DLD: variants seen among roughly 807,000 people sequenced by gnomAD.
DLD encodes dihydrolipoamide dehydrogenase, also known as dihydrolipoyl dehydrogenase, mitochondrial.
Under a neutral mutation model 62.2 loss-of-function variants are expected in DLD, and 36 were observed. The observed-to-expected ratio is 0.58, with a 90% CI of 0.44 to 0.76. DLD has a LOEUF of 0.76. Ranked by LOEUF, DLD falls within the 30% of genes least tolerant of loss-of-function variation. The pLI, the probability that DLD is intolerant of heterozygous loss-of-function variation, is 0.00. For missense variants in DLD, 541 were observed against 608.6 expected, an observed-to-expected ratio of 0.89 and a Z score of 1.17; for synonymous variants, 204 against 199.6, an observed-to-expected ratio of 1.02 and a Z score of -0.19.
chr7:107,896,842 GT>G (rs1254805002), intron 2 of DLD, among the ~76,000 whole-genome samples: 17 of 144,806 alleles, frequency 1.2e-4, no homozygotes, highest in South Asian at 2.2e-4. Flanking sequence ...GTTTTTGTTT[GT>G]TTTTTTTTTT....
intron 5 of DLD, chr7:107,903,896 T>TG (rs1330337051): frequency 9.1e-6 from 2 of 220,774 alleles, no homozygotes; most frequent in African/African-American, 2.3e-5. Flanking sequence ...CTGAGTACTA[T>TG]GGGGAGATAG....
intron 2 of DLD, among the ~76,000 whole-genome samples, chr7:107,901,180 G>A (rs1423554572): frequency 6.6e-6 from 1 of 152,064 alleles, no homozygotes; most frequent in East Asian, 1.9e-4. Context: ...TTAAGGACCT[G>A]AAAAAGGTAA....
At chr7:107,893,059 C>T in intron 1 of DLD, 141 bp from the exon 2 acceptor site, 1 of 573,396 alleles carries the variant, frequency 1.7e-6, no homozygotes, top group Non-Finnish European at 3.1e-6. Context: ...TGATCTGTAG[C>T]TTCTGTGTGG....
Position 107,893,185 on chromosome 7 carries a change from ATTTTCT to A in DLD, c.40-8_40-3del, listed in dbSNP as rs1206033620. On this transcript the variant is annotated splice_polypyrimidine_tract_variant and intron_variant, in intron 1 of 13. Transcript: ENST00000205402. ...AATTCATATCTTACATAATAGGGAC[ATTTTCT>A]TTTTCTAGAGAGGCCATTTCAATCG... 1 of 1,609,440 alleles carries A rather than the reference ATTTTCT, an allele frequency of 6.2e-7. No homozygotes were observed. The highest frequency in any genetic ancestry group is 8.5e-7 in the Non-Finnish European group (1 of 1,176,268).
At chr7:107,904,257 C>T (rs1174277410) in intron 5 of DLD, among the ~76,000 whole-genome samples, 3 of 152,076 alleles carry the variant, frequency 2.0e-5, no homozygotes, top group Admixed American at 6.6e-5. Context: ...AATGGAATGA[C>T]GTAAAGAAAG....
rs531377971 is a variant in DLD at position 107,918,628 on chromosome 7, A to G, written c.1375-382A>G. Among the ~76,000 whole-genome samples, 3 of 152,268 alleles carry G rather than the reference A, an allele frequency of 2.0e-5. No homozygotes were observed. In the South Asian group the frequency reaches 6.2e-4, roughly 32 times the overall value. ...CCTAAAGTATGTATCTTTCTTGTAG[A>G]TATCTCTTGTATCTGATGTAACAAT... is the stretch of plus-strand genomic sequence containing the variant. On this transcript the variant is annotated intron_variant, in intron 12 of 13. Coordinates refer to ENST00000205402, the MANE Select transcript of DLD (RefSeq NM_000108.5).
rs1433041129 is a variant in DLD, at chr7:107,916,836, T to A, written c.918T>A (p.Cys306Ter). Residue 306 changes from cysteine (C) to a stop codon, truncating the protein, a stop_gained, in exon 10 of 14, where the codon TGT becomes TGA. Coordinates refer to ENST00000205402, the MANE Select transcript of DLD (RefSeq NM_000108.5). LOFTEE classifies it high-confidence loss of function. The stretch of plus-strand genomic sequence containing the variant: ...GTGGTAAAGCTGAAGTTATCACTTG[T>A]GATGTACTCTTGGTTTGCATTGGCC... ...ASGGKAEVIT[C>*]DVLLVCIGRR... 6.2e-7 allele frequency: 1 copy of A among 1,613,246 alleles called. No homozygotes were observed. Among genetic ancestry groups the A allele is most frequent in the African/African-American group, 1.3e-5 (1 of 74,592 alleles).
intron 8 of DLD, among the ~76,000 whole-genome samples, chr7:107,912,314 T>C (rs1477733259): frequency 2.6e-5 from 4 of 152,094 alleles, no homozygotes; most frequent in African/African-American, 9.7e-5. Flanking sequence ...CTCTTCAATA[T>C]ATTGATTTCC....
rs563411687 is a variant in DLD at position 107,893,466 on chromosome 7, C to T, written c.118+188C>T. ...AGGCGGTGAACAAGGTAAAAAAACCCTGCTCTTATGAAACTTGTAATTTGG... is the reference window on the plus strand; with the variant it reads ...AGGCGGTGAACAAGGTAAAAAAACCTTGCTCTTATGAAACTTGTAATTTGG... On this transcript the variant is annotated intron_variant, in intron 2 of 13. Transcript: ENST00000205402. 6.7e-6 allele frequency: 3 copies of T among 451,042 alleles called. No homozygotes were observed. The South Asian group carries it at 1.4e-4, about 21-fold the overall frequency. 27.9% of individuals were successfully genotyped at this position (451,042 alleles called of 1,614,324 possible).
At chr7:107,899,320 T>C (rs2031816428) in intron 2 of DLD, among the ~76,000 whole-genome samples, 1 of 150,498 alleles carries the variant, frequency 6.6e-6, no homozygotes, top group South Asian at 2.1e-4. Context: ...ACATCTAGTA[T>C]GTACAGTGAG....
chr7:107,905,918 C>G (rs981385273), intron 7 of DLD, among the ~76,000 whole-genome samples: 2 of 152,102 alleles, frequency 1.3e-5, no homozygotes, highest in Non-Finnish European at 2.9e-5. Context: ...CAGGACCCCC[C>G]TTGGATACCA....
At chr7:107,918,948 C>G in intron 12 of DLD, 62 bp from the exon 13 acceptor site, 1 of 1,343,260 alleles carries the variant, frequency 7.4e-7, no homozygotes, top group African/African-American at 1.4e-5. Flanking sequence ...TCAACAATTG[C>G]TATCCTATTA....
intron 2 of DLD, among the ~76,000 whole-genome samples, chr7:107,895,731 T>C (rs557324509): frequency 6.6e-6 from 1 of 152,288 alleles, no homozygotes; most frequent in South Asian, 2.1e-4. Flanking sequence ...TATATATGGA[T>C]TGGGAATGGT....
At chr7:107,893,337 C>A in intron 2 of DLD, 59 bp downstream of exon 2, 1 of 1,295,916 alleles carries the variant, frequency 7.7e-7, no homozygotes, top group Non-Finnish European at 1.1e-6. Flanking sequence ...CTTTCTATTT[C>A]AATGTAAAAG....
chr7:107,897,574 CTTTTTTTTT>C (rs35546358), intron 2 of DLD, among the ~76,000 whole-genome samples: 1 of 111,352 alleles, frequency 9.0e-6, no homozygotes, highest in Non-Finnish European at 1.8e-5. Flanking sequence ...TGTAGACTGA[CTTTTTTTTT>C]TTTTTTTTTT....
At position 107,906,310 on chromosome 7, in the gene DLD, TA is replaced by T. The variant is rs1040811473; in HGVS notation, c.633del (p.Val212PhefsTer12). The stretch of plus-strand genomic sequence containing the variant: ...GTGTCATCTACAGGTGCTTTATCTT[TA>T]AAAAAAGTTCCAGAAAAGATGGTTG... ...TIVSSTGALS[L>X]KKVPEKMVVI... On this transcript the variant is annotated frameshift_variant, in exon 8 of 14. Transcript: ENST00000205402. LOFTEE classifies it high-confidence loss of function. 1.9e-6 allele frequency: 3 copies of T among 1,609,856 alleles called. No homozygotes were observed. The highest frequency in any genetic ancestry group is 1.7e-6 in the Non-Finnish European group (2 of 1,176,322).
intron 2 of DLD, among the ~76,000 whole-genome samples, chr7:107,893,964 AATG>A (rs758729754): frequency 6.6e-6 from 1 of 152,212 alleles, no homozygotes; most frequent in African/African-American, 2.4e-5. Context: ...CACTGTTTAG[AATG>A]ATGAGATGAC....
intron 2 of DLD, among the ~76,000 whole-genome samples, chr7:107,896,054 C>T (rs1280784753): frequency 1.3e-5 from 2 of 152,150 alleles, no homozygotes; most frequent in East Asian, 3.9e-4. Flanking sequence ...GTTACTGAAG[C>T]TTAAACTGCA....
In DLD at chr7:107,916,813, G is replaced by A. The variant is rs1352197531; in HGVS notation, c.895G>A (p.Gly299Ser). The A allele has an allele frequency of 6.2e-7, 1 of 1,613,054 alleles. No homozygotes were observed. Among genetic ancestry groups the A allele is most frequent in the South Asian group, 1.1e-5 (1 of 91,026 alleles). ...IDVSIEAASG[G>S]KAEVITCDVL... Reference sequence around the variant, plus strand: ...ATCTAGTATTGAAGCTGCTTCTGGTGGTAAAGCTGAAGTTATCACTTGTGA... The same window carrying A: ...ATCTAGTATTGAAGCTGCTTCTGGTAGTAAAGCTGAAGTTATCACTTGTGA... The change falls in exon 10 of 14, where the codon GGT (glycine) becomes AGT (serine). Residue 299 changes from glycine to serine, a missense_variant. By Grantham distance (56) the Gly-to-Ser change is moderately conservative. Transcript: ENST00000205402.
Sources: gnomAD v4.1 joint callset for allele counts (sites outside exome capture counted in the v4.1 genomes callset) on GRCh38, gnomAD v4.1.1 for gene constraint, MANE v1.5 for transcripts, NCBI Gene and HGNC (gene_info 2026-07-23, HGNC 2026-07-21) for gene names.